LARGE1: variants seen among roughly 807,000 people sequenced by gnomAD.
LARGE1 encodes xylosyl- and glucuronyltransferase LARGE1.
In LARGE1, 43 loss-of-function variants were observed where a neutral mutation model predicts 87.6. That is an observed-to-expected ratio of 0.49 (90% CI 0.38 to 0.63). LARGE1 has a LOEUF of 0.63. Ranked by LOEUF, LARGE1 falls within the 30% of genes least tolerant of loss-of-function variation. The probability of loss-of-function intolerance (pLI) is 0.00; values close to 1 mark genes in which losing one functional copy is unlikely to be tolerated. For synonymous variants in LARGE1, 434 were observed against 394.6 expected, an observed-to-expected ratio of 1.10 and a Z score of -1.18; for missense variants, 802 against 1,000.2, an observed-to-expected ratio of 0.80 and a Z score of 2.67.
At chr22:33,331,476 C>T (rs577898183) in intron 10 of LARGE1, among the ~76,000 whole-genome samples, 24 of 146,234 alleles carry the variant, frequency 1.6e-4, no homozygotes, top group Non-Finnish European at 3.0e-4. Context: ...GGCATGATTT[C>T]GGCTCACTGC....
chr22:33,768,024 T>C (rs376520866), intron 1 of LARGE1, among the ~76,000 whole-genome samples: 2 of 152,260 alleles, frequency 1.3e-5, no homozygotes, highest in South Asian at 4.1e-4. Flanking sequence ...AAACAGGTCC[T>C]ATAGGCCGGG....
At chr22:33,651,240 A>AAAAAAAAAAAC in intron 2 of LARGE1, among the ~76,000 whole-genome samples, 1 of 144,194 alleles carries the variant, frequency 6.9e-6, no homozygotes, top group Non-Finnish European at 1.5e-5. Flanking sequence ...AAAAAAAAAA[A>AAAAAAAAAAAC]AATTAGCCGG....
At chr22:33,714,892 G>T (rs899315369) in intron 2 of LARGE1, among the ~76,000 whole-genome samples, 1 of 151,962 alleles carries the variant, frequency 6.6e-6, no homozygotes, top group Non-Finnish European at 1.5e-5. Flanking sequence ...ACCCGCTTCA[G>T]ATTGTCCTCT....
At chr22:33,878,423 C>A (rs2064554562) in intron 1 of LARGE1, among the ~76,000 whole-genome samples, 1 of 152,068 alleles carries the variant, frequency 6.6e-6, no homozygotes. Flanking sequence ...GCCACCATAC[C>A]CGGCCAGCTT....
chr22:33,723,559 T>G (rs574740472), intron 2 of LARGE1, among the ~76,000 whole-genome samples: 73 of 152,314 alleles, frequency 4.8e-4, no homozygotes, highest in Non-Finnish European at 9.7e-4. Context: ...TCAGGCGGAT[T>G]TGGGTAAGGC....
chr22:33,655,965 T>C lies in LARGE1; in HGVS notation c.107-5297A>G, dbSNP rs191341145. On this transcript the variant is annotated intron_variant, in intron 2 of 14. Coordinates refer to ENST00000397394, the MANE Select transcript of LARGE1 (RefSeq NM_133642.5). Reference sequence around the variant, plus strand: ...AAGAGCTGAGCTTAAATTATGGTTCTTCCACTTACTAATAAATAACTTAGG... The same window carrying C: ...AAGAGCTGAGCTTAAATTATGGTTCCTCCACTTACTAATAAATAACTTAGG... Among the ~76,000 whole-genome samples, 26 of 152,292 alleles carry C rather than the reference T, an allele frequency of 1.7e-4. No homozygotes were observed. The East Asian group carries it at 3.5e-3, about 20-fold the overall frequency.
chr22:33,627,237 C>A (rs944701189), intron 3 of LARGE1, among the ~76,000 whole-genome samples: 2 of 152,202 alleles, frequency 1.3e-5, no homozygotes, highest in Non-Finnish European at 2.9e-5. Flanking sequence ...TGCATCATAG[C>A]AGTTATCATT....
chr22:33,753,019 A>C (rs1265339443), intron 2 of LARGE1, among the ~76,000 whole-genome samples: 1 of 152,186 alleles, frequency 6.6e-6, no homozygotes, highest in Non-Finnish European at 1.5e-5. Flanking sequence ...CAGGAGATTG[A>C]GACCATCCTG....
chr22:33,123,941 C>T, the LARGE1 span, among the ~76,000 whole-genome samples: 3 of 152,132 alleles, frequency 2.0e-5, no homozygotes, highest in Non-Finnish European at 2.9e-5. Flanking sequence ...CCACATCAGG[C>T]GGTGCTCTGG....
intron 6 of LARGE1, among the ~76,000 whole-genome samples, chr22:33,477,332 T>G (rs922351470): frequency 1.1e-4 from 16 of 152,222 alleles, no homozygotes; most frequent in Non-Finnish European, 2.1e-4. Flanking sequence ...TTTTTCAATC[T>G]CTAAAGAACT....
At chr22:33,082,709 A>C in the LARGE1 span, among the ~76,000 whole-genome samples, 1 of 152,244 alleles carries the variant, frequency 6.6e-6, no homozygotes, top group Non-Finnish European at 1.5e-5. Context: ...AATGAAGGAG[A>C]GATAGTTAGC....
Position 33,369,000 on chromosome 22 carries a change from G to A in LARGE1, c.1131+12919C>T, listed in dbSNP as rs118038332. Among the ~76,000 whole-genome samples, 309 of 152,194 alleles carry A rather than the reference G, an allele frequency of 2.0e-3. 6 individuals are homozygous for A. The East Asian group carries it at 0.033, about 16-fold the overall frequency. Reference sequence around the variant, plus strand: ...TGGTTGTTGGAAGGTTGGGGTGGTTGTGGCCAATTTCTTAAAATAAGGTAA... The same window carrying A: ...TGGTTGTTGGAAGGTTGGGGTGGTTATGGCCAATTTCTTAAAATAAGGTAA... On this transcript the variant is annotated intron_variant, in intron 9 of 14. Transcript: ENST00000397394.
rs530560343 is a variant in LARGE1, at chr22:33,621,594, A to G, written c.491+4650T>C. On this transcript the variant is annotated intron_variant, in intron 4 of 14. Coordinates refer to ENST00000397394, the MANE Select transcript of LARGE1 (RefSeq NM_133642.5). ...ATATTATTATTAACATTAGTAAGGT[A>G]CTTCATTTGTCAATGTATTTTATAA... Among the ~76,000 whole-genome samples the G allele has an allele frequency of 3.9e-5, 6 of 152,332 alleles. No homozygotes were observed. The East Asian group carries it at 1.2e-3, about 29-fold the overall frequency.
At chr22:33,638,226 T>A (rs1255515113) in intron 3 of LARGE1, among the ~76,000 whole-genome samples, 1 of 152,192 alleles carries the variant, frequency 6.6e-6, no homozygotes, top group Non-Finnish European at 1.5e-5. Context: ...AAAAGTGCAT[T>A]AAAATACTGT....
intron 6 of LARGE1, among the ~76,000 whole-genome samples, chr22:33,448,055 G>A (rs977815850): frequency 2.1e-4 from 32 of 151,912 alleles, no homozygotes; most frequent in African/African-American, 6.8e-4. Context: ...CCAAATTCAC[G>A]GAGACAGAGA....
At chr22:33,173,664 G>GAA (rs578099669) in intron 11 of LARGE1, among the ~76,000 whole-genome samples, 1 of 136,076 alleles carries the variant, frequency 7.3e-6, no homozygotes, top group Admixed American at 7.4e-5. Context: ...CAAATAGAAA[G>GAA]AAAAAAAAAA....
the LARGE1 span, among the ~76,000 whole-genome samples, chr22:33,111,669 A>G: frequency 6.6e-6 from 1 of 152,192 alleles, no homozygotes. Context: ...CGAGTCAGAG[A>G]GACATATGCA....
chr22:33,434,659 A>T (rs764662695), intron 6 of LARGE1, among the ~76,000 whole-genome samples: 8 of 152,220 alleles, frequency 5.3e-5, no homozygotes, highest in African/African-American at 1.9e-4. Flanking sequence ...GGTCATCTTC[A>T]GATATCTGAA....
intron 2 of LARGE1, among the ~76,000 whole-genome samples, chr22:33,708,051 T>G (rs542060253): frequency 6.6e-6 from 1 of 152,048 alleles, no homozygotes; most frequent in African/African-American, 2.4e-5. Flanking sequence ...CTGAGAAGGA[T>G]CCAGTCCCAA....
Sources: gnomAD v4.1 joint callset for allele counts (sites outside exome capture counted in the v4.1 genomes callset) on GRCh38, gnomAD v4.1.1 for gene constraint, MANE v1.5 for transcripts, NCBI Gene and HGNC (gene_info 2026-07-23, HGNC 2026-07-21) for gene names.